TJP1: variants seen among roughly 807,000 people sequenced by gnomAD.
TJP1 encodes the protein tight junction protein 1.
Under a neutral mutation model 194.2 loss-of-function variants are expected in TJP1, and 43 were observed. The ratio of observed to expected loss-of-function variants is 0.22; its 90% CI spans 0.17 to 0.29. The LOEUF (loss-of-function observed/expected upper bound fraction) is 0.29, where lower values mean the gene tolerates loss of function less well. Ranked by LOEUF, TJP1 falls within the 10% of genes least tolerant of loss-of-function variation. TJP1 has a pLI of 1.00. For synonymous variants in TJP1, 801 were observed against 779.0 expected (o/e 1.03, Z -0.47); for missense variants, 1,971 against 2,185.7 (o/e 0.90, Z 1.96).
intron 2 of TJP1, among the ~76,000 whole-genome samples, chr15:29,942,807 G>A (rs2055126583): frequency 6.6e-6 from 1 of 152,178 alleles, no homozygotes. Flanking sequence ...GGCTGGCAAG[G>A]GCAGGCCCGG....
At chr15:29,914,863 TAC>T (rs10534109) in intron 2 of TJP1, among the ~76,000 whole-genome samples, 26,692 of 146,396 alleles carry the variant, frequency 0.18, 2,467 homozygotes, top group East Asian at 0.31. Flanking sequence ...CACACACACA[TAC>T]ACACACACAC....
chr15:29,797,821 G>A (rs534448936), intron 2 of TJP1, among the ~76,000 whole-genome samples: 2 of 152,022 alleles, frequency 1.3e-5, no homozygotes, highest in African/African-American at 2.4e-5. Flanking sequence ...GTATTTTGCC[G>A]CAATTTTATA....
At chr15:29,832,580 A>G (rs1471915500) in intron 2 of TJP1, among the ~76,000 whole-genome samples, 1 of 152,236 alleles carries the variant, frequency 6.6e-6, no homozygotes, top group East Asian at 1.9e-4. Context: ...GGGACATGCC[A>G]TGTACTCAAT....
intron 2 of TJP1, among the ~76,000 whole-genome samples, chr15:29,855,133 C>T (rs2051797538): frequency 6.6e-6 from 1 of 151,844 alleles, no homozygotes. Flanking sequence ...AACATAGTTT[C>T]AAGAAGTAAC....
intron 1 of TJP1, among the ~76,000 whole-genome samples, chr15:29,967,586 G>A (rs568836124): frequency 6.6e-6 from 1 of 152,274 alleles, no homozygotes; most frequent in Admixed American, 6.5e-5. Flanking sequence ...ACTGAATTCT[G>A]AACTTTGCTG....
chr15:29,753,483 CAAAAAAAAA>C (rs34221786), intron 8 of TJP1, among the ~76,000 whole-genome samples: 3 of 47,938 alleles, frequency 6.3e-5, no homozygotes, highest in African/African-American at 2.3e-4. Flanking sequence ...GACTCTGTGT[CAAAAAAAAA>C]AAAAAAAAAA....
chr15:29,820,639 G>A, intron 1 of TJP1: 5 of 711,880 alleles, frequency 7.0e-6, no homozygotes, highest in Non-Finnish European at 1.0e-5. Context: ...GGAACAAAGT[G>A]ACATTCTGTG....
At chr15:29,954,586 C>G (rs2055870888) in intron 2 of TJP1, among the ~76,000 whole-genome samples, 1 of 152,140 alleles carries the variant, frequency 6.6e-6, no homozygotes, top group African/African-American at 2.4e-5. Flanking sequence ...TAGTTCTACT[C>G]AGCAAGAATT....
intron 21 of TJP1, 48 bp from the exon 22 acceptor site, chr15:29,718,166 G>C: frequency 1.3e-6 from 2 of 1,552,328 alleles, no homozygotes; most frequent in South Asian, 1.2e-5. Flanking sequence ...CTAAGGAACA[G>C]ATAATTAACA....
chr15:29,874,307 G>A (rs1217482258), intron 2 of TJP1, among the ~76,000 whole-genome samples: 2 of 152,180 alleles, frequency 1.3e-5, no homozygotes, highest in African/African-American at 2.4e-5. Flanking sequence ...TGGGGTTGCA[G>A]AGCACTGTGC....
At chr15:29,805,619 G>T (rs996720931) in intron 1 of TJP1, among the ~76,000 whole-genome samples, 4 of 152,278 alleles carry the variant, frequency 2.6e-5, no homozygotes, top group African/African-American at 7.2e-5. Flanking sequence ...CTCCCTAGGG[G>T]CTCAAAGAAG....
At chr15:29,757,140 AG>A (rs1409327607) in intron 8 of TJP1, among the ~76,000 whole-genome samples, 1 of 152,230 alleles carries the variant, frequency 6.6e-6, no homozygotes, top group African/African-American at 2.4e-5. Context: ...ACATGAACCC[AG>A]GAAGTCCGGC....
At chr15:29,824,644 AGGT>A (rs2050625660), upstream of TJP1, among the ~76,000 whole-genome samples, 1 of 152,218 alleles carries the variant, frequency 6.6e-6, no homozygotes, top group African/African-American at 2.4e-5. Flanking sequence ...TAATTTTAAA[AGGT>A]GGTGATGAAA....
At chr15:29,781,967 C>A (rs1377726654) in intron 2 of TJP1, among the ~76,000 whole-genome samples, 1 of 152,076 alleles carries the variant, frequency 6.6e-6, no homozygotes, top group Non-Finnish European at 1.5e-5. Flanking sequence ...GAAGTCCTGG[C>A]CAGAGCAATT....
rs1417250603 is a variant in TJP1 at position 29,701,634 on chromosome 15, A to C, written c.5268T>G (p.Val1756=). 1.9e-5 allele frequency: 31 copies of C among 1,614,032 alleles called. No individual in the cohort carries two copies. The highest frequency in any genetic ancestry group is 2.6e-5 in the Non-Finnish European group (31 of 1,180,012). The change falls in exon 28 of 28, where the codon GTT becomes GTG. Residue 1756 remains valine (V), a synonymous_variant. Coordinates refer to ENST00000614355, the MANE Select transcript of TJP1 (RefSeq NM_001330239.4). ...TAAGGACAGAAACACAGTTTGCTCC[A>C]ACGAGATAATTTGGATCTCCGGGAA... ...KCLPGDPNYL[V]GANCVSVLID... is the part of the protein sequence containing the mutation.
chr15:29,777,859 C>A (rs1258536856), intron 2 of TJP1, among the ~76,000 whole-genome samples: 3 of 152,120 alleles, frequency 2.0e-5, no homozygotes, highest in Non-Finnish European at 4.4e-5. Flanking sequence ...CACCTAAACA[C>A]CCCAGCCTTA....
At position 29,822,299 on chromosome 15, in the gene TJP1, T is replaced by C. The variant is rs1463297751; in HGVS notation, c.-271A>G. The C allele has an allele frequency of 3.4e-5, 38 of 1,127,392 alleles. No homozygotes were observed. The highest frequency in any genetic ancestry group is 4.0e-5 in the Non-Finnish European group (37 of 920,612). 69.8% of individuals were successfully genotyped at this position (1,127,392 alleles called of 1,614,324 possible). The stretch of plus-strand genomic sequence containing the variant: ...CCACCCACTCGGCCTCCCGCAGCTT[T>C]CGCAGCCCGGCCACGTCGGCCTCGC... On this transcript the variant is annotated 5_prime_UTR_variant, in exon 1 of 28. Coordinates refer to ENST00000614355, the MANE Select transcript of TJP1 (RefSeq NM_001330239.4).
chr15:29,735,565 T>A (rs1421710715), intron 11 of TJP1, among the ~76,000 whole-genome samples: 11 of 137,418 alleles, frequency 8.0e-5, no homozygotes, highest in Non-Finnish European at 1.7e-4. Flanking sequence ...CCAGCCTGGG[T>A]GACAGTGAGG....
intron 2 of TJP1, among the ~76,000 whole-genome samples, chr15:29,945,160 C>G (rs16954869): frequency 0.01 from 1,542 of 152,294 alleles, 23 homozygotes; most frequent in African/African-American, 0.035. Flanking sequence ...AGTATATGGT[C>G]ACGGAGACAA....
Sources: gnomAD v4.1 joint callset for allele counts (sites outside exome capture counted in the v4.1 genomes callset) on GRCh38, gnomAD v4.1.1 for gene constraint, MANE v1.5 for transcripts, NCBI Gene and HGNC (gene_info 2026-07-23, HGNC 2026-07-21) for gene names.